FHOD3: variants seen among roughly 807,000 people sequenced by gnomAD.
FHOD3 encodes formin homology 2 domain containing 3, also known as FH1/FH2 domain-containing protein 3.
A neutral mutation model predicts 173.0 loss-of-function variants in FHOD3; 90 were observed. That is an observed-to-expected ratio of 0.52 (90% CI 0.44 to 0.62). The LOEUF (loss-of-function observed/expected upper bound fraction) is 0.62. Among genes scored for constraint, FHOD3 ranks in the 20% least tolerant of loss-of-function variants. FHOD3 has a pLI of 0.00. For missense variants in FHOD3, 1,945 were observed against 2,034.7 expected, an observed-to-expected ratio of 0.96 and a Z score of 0.85; for synonymous variants, 828 against 823.0, an observed-to-expected ratio of 1.01 and a Z score of -0.10.
rs141165801 is a variant in FHOD3, at chr18:36,535,009, C to G, written c.511+22466C>G. On this transcript the variant is annotated intron_variant, in intron 5 of 28. Coordinates refer to ENST00000590592, the MANE Select transcript of FHOD3 (RefSeq NM_001281740.3). ...TAATGTTTTTCTTCTTCTTCTGTTT[C>G]TTGTTTTACTAACTTGTCCCGTTTG... Among the ~76,000 whole-genome samples, 8 of 152,320 alleles carry G rather than the reference C, an allele frequency of 5.3e-5. No homozygotes were observed. In the East Asian group the frequency reaches 1.5e-3, roughly 29 times the overall value.
At chr18:36,584,237 T>C (rs115276305) in intron 6 of FHOD3, among the ~76,000 whole-genome samples, 3,604 of 152,200 alleles carry the variant, frequency 0.024, 156 homozygotes, top group African/African-American at 0.083. Flanking sequence ...TAGAACACTC[T>C]CCCTCCCTAG....
intron 3 of FHOD3, among the ~76,000 whole-genome samples, chr18:36,422,004 C>T (rs2050010399): frequency 6.6e-6 from 1 of 152,186 alleles, no homozygotes; most frequent in Admixed American, 6.5e-5. Flanking sequence ...TTTAATTAAA[C>T]TCCATATTTA....
chr18:36,745,722 C>T (rs1403132148), intron 23 of FHOD3, among the ~76,000 whole-genome samples: 2 of 151,262 alleles, frequency 1.3e-5, no homozygotes, highest in East Asian at 2.0e-4. Context: ...CTCCCGACCC[C>T]GTACCCTCTG....
intron 5 of FHOD3, among the ~76,000 whole-genome samples, chr18:36,546,402 G>A (rs1216040232): frequency 6.6e-6 from 1 of 152,130 alleles, no homozygotes; most frequent in Non-Finnish European, 1.5e-5. Flanking sequence ...GTTGACCTGG[G>A]CCACCTTAAA....
At chr18:36,519,336 C>T (rs1341536082) in intron 5 of FHOD3, among the ~76,000 whole-genome samples, 1 of 152,150 alleles carries the variant, frequency 6.6e-6, no homozygotes, top group Non-Finnish European at 1.5e-5. Flanking sequence ...GGGTGCTGGC[C>T]CCACTGTTCC....
intron 10 of FHOD3, among the ~76,000 whole-genome samples, chr18:36,641,177 G>A (rs2035279823): frequency 6.6e-6 from 1 of 152,190 alleles, no homozygotes; most frequent in African/African-American, 2.4e-5. Context: ...CAGGGCTCTG[G>A]GCAGGGTCTC....
At chr18:36,510,536 G>T (rs1194327650) in intron 4 of FHOD3, among the ~76,000 whole-genome samples, 1 of 152,134 alleles carries the variant, frequency 6.6e-6, no homozygotes, top group African/African-American at 2.4e-5. Context: ...TTAGTGATTA[G>T]CTTGAGTGGT....
chr18:36,582,094 T>C (rs1005897165), intron 6 of FHOD3, among the ~76,000 whole-genome samples: 1 of 151,736 alleles, frequency 6.6e-6, no homozygotes, highest in Non-Finnish European at 1.5e-5. Flanking sequence ...AGTAGAAGAG[T>C]TGGACATTGG....
At chr18:36,302,189 C>T (rs922519619) in intron 1 of FHOD3, among the ~76,000 whole-genome samples, 1 of 152,178 alleles carries the variant, frequency 6.6e-6, no homozygotes, top group Admixed American at 6.5e-5. Context: ...CACATTTCAG[C>T]GTGCATCCTC....
chr18:36,699,800 A>G (rs139661804), intron 17 of FHOD3, among the ~76,000 whole-genome samples: 15 of 152,310 alleles, frequency 9.8e-5, no homozygotes, highest in African/African-American at 3.6e-4. Context: ...GTGACCATGC[A>G]GTGTGTTTCA....
chr18:36,354,526 G>C (rs1415218619), intron 1 of FHOD3, among the ~76,000 whole-genome samples: 1 of 152,202 alleles, frequency 6.6e-6, no homozygotes, highest in South Asian at 2.1e-4. Context: ...TTTTGGCTGG[G>C]TGTGGTGGCT....
At position 36,501,784 on chromosome 18, in the gene FHOD3, G is replaced by A. The variant is rs1009161880; in HGVS notation, c.338-148G>A. 9 of 532,878 alleles carry A rather than the reference G, an allele frequency of 1.7e-5. 1 individual carries two copies. In the South Asian group the frequency reaches 3.0e-4, roughly 18 times the overall value. 33.0% of individuals were successfully genotyped at this position (532,878 alleles called of 1,614,324 possible). A position where few individuals can be genotyped will look rare whatever the true frequency, so the allele number is the denominator to read the frequency against. The stretch of plus-strand genomic sequence containing the variant: ...ATGTATATGCAACATTCTTCTTATG[G>A]TTGGGGGTAAGGTCTGTATCCTGAA... On this transcript the variant is annotated intron_variant, in intron 3 of 28. Transcript: ENST00000590592.
intron 1 of FHOD3, among the ~76,000 whole-genome samples, chr18:36,328,898 A>G (rs553402289): frequency 4.3e-4 from 65 of 152,304 alleles, no homozygotes; most frequent in African/African-American, 1.5e-3. Context: ...TGGGGCTGTC[A>G]GTTGGATTCC....
At chr18:36,461,369 T>G (rs2052542159) in intron 3 of FHOD3, among the ~76,000 whole-genome samples, 1 of 152,168 alleles carries the variant, frequency 6.6e-6, no homozygotes, top group Non-Finnish European at 1.5e-5. Flanking sequence ...CCCTTTTCTA[T>G]TAGATTGTTA....
At chr18:36,313,235 G>T (rs765118560) in intron 1 of FHOD3, among the ~76,000 whole-genome samples, 3 of 152,116 alleles carry the variant, frequency 2.0e-5, no homozygotes, top group Non-Finnish European at 4.4e-5. Flanking sequence ...AGGGCAAGGG[G>T]GAATTAGATA....
intron 14 of FHOD3, among the ~76,000 whole-genome samples, chr18:36,660,851 A>T (rs893266472): frequency 6.6e-6 from 1 of 152,168 alleles, no homozygotes; most frequent in African/African-American, 2.4e-5. Flanking sequence ...CAGTGGTGGG[A>T]TGACTCTCCT....
At chr18:36,607,694 A>G (rs370083064) in intron 8 of FHOD3, among the ~76,000 whole-genome samples, 59 of 152,234 alleles carry the variant, frequency 3.9e-4, no homozygotes, top group African/African-American at 1.4e-3. Context: ...ATCTTCCTAT[A>G]AGCAGTTAAG....
intron 7 of FHOD3, among the ~76,000 whole-genome samples, chr18:36,601,315 G>A (rs957061198): frequency 6.6e-6 from 1 of 152,176 alleles, no homozygotes; most frequent in Admixed American, 6.5e-5. Context: ...CTACATTTGT[G>A]CCTTTTACGT....
intron 5 of FHOD3, among the ~76,000 whole-genome samples, chr18:36,517,225 G>A (rs1453433363): frequency 6.6e-6 from 1 of 152,166 alleles, no homozygotes; most frequent in Admixed American, 6.5e-5. Flanking sequence ...TTTAATTTAA[G>A]TGTACTGTGA....
Sources: gnomAD v4.1 joint callset for allele counts (sites outside exome capture counted in the v4.1 genomes callset) on GRCh38, gnomAD v4.1.1 for gene constraint, MANE v1.5 for transcripts, NCBI Gene and HGNC (gene_info 2026-07-23, HGNC 2026-07-21) for gene names.